The following RB1 variants were observed in gnomAD, a reference collection of about 807,000 sequenced individuals.
RB1 encodes RB transcriptional corepressor 1.
In RB1, 18 loss-of-function variants were observed where a neutral mutation model predicts 135.4. The ratio of observed to expected loss-of-function variants is 0.13; its 90% confidence interval spans 0.09 to 0.20. The LOEUF is 0.20. RB1 is among the 10% of genes least tolerant of loss of function. The pLI is 1.00. For missense variants in RB1, 868 were observed against 1,110.0 expected, an observed-to-expected ratio of 0.78 and a Z score of 3.10; for synonymous variants, 365 against 373.2, an observed-to-expected ratio of 0.98 and a Z score of 0.25.
At chr13:48,477,324 AT>A (rs1949510100) in intron 25 of RB1, 30 bp from the exon 26 acceptor site, 4 of 1,549,768 alleles carry the variant, frequency 2.6e-6, no homozygotes, top group Non-Finnish European at 3.6e-6. Flanking sequence ...ATAAATACAC[AT>A]GAAATGTTTT....
intron 2 of RB1, chr13:48,318,179 A>G (rs1312384589): frequency 1.8e-6 from 1 of 555,098 alleles, no homozygotes; most frequent in East Asian, 3.3e-5. Flanking sequence ...TGCCACAGAC[A>G]CTGGGAGGTT....
At chr13:48,376,766 G>T in intron 12 of RB1, 152 bp from the exon 13 acceptor site, 2 of 1,113,518 alleles carry the variant, frequency 1.8e-6, no homozygotes, top group South Asian at 2.8e-5. Context: ...GATATTGTCT[G>T]CTTATGTTCA....
intron 2 of RB1, chr13:48,317,867 A>T (rs1566178506): frequency 5.0e-6 from 2 of 397,236 alleles, no homozygotes; most frequent in Non-Finnish European, 4.8e-6. Flanking sequence ...CTGCACAGCA[A>T]CTCTGGCCTG....
chr13:48,389,301 C>A (rs1948594472), intron 17 of RB1, among the ~76,000 whole-genome samples: 2 of 151,900 alleles, frequency 1.3e-5, no homozygotes, highest in Non-Finnish European at 2.9e-5. Flanking sequence ...ACAATGAAGT[C>A]ACTGGTGACA....
At chr13:48,394,715 G>A (rs1037993100) in intron 17 of RB1, among the ~76,000 whole-genome samples, 1 of 152,158 alleles carries the variant, frequency 6.6e-6, no homozygotes, top group Non-Finnish European at 1.5e-5. Context: ...CTCTGGGCAG[G>A]GCATCTCTGA....
rs4151551 is a variant in RB1, at chr13:48,411,303, G to T, written c.1695+29860G>T. On this transcript the variant is annotated intron_variant, in intron 17 of 26. Transcript: ENST00000267163. ...GTCCATGTGTTAATTTCTTTTGGAG[G>T]TGGAAAAATAGTTTGTCCAAAAAGA... is the stretch of plus-strand genomic sequence containing the variant. 79,278 of 1,087,814 alleles carry T rather than the reference G, an allele frequency of 0.073. 3,440 individuals are homozygous for T. The highest frequency in any genetic ancestry group is 0.092 in the Non-Finnish European group (65,892 of 713,902). The allele number at this position is 1,087,814 out of a possible 1,614,324, so 67.4% of individuals were successfully genotyped here. A position where few individuals can be genotyped will look rare whatever the true frequency, so the allele number is the denominator to read the frequency against.
chr13:48,340,640 G>A (rs931103881), intron 2 of RB1, among the ~76,000 whole-genome samples: 4 of 150,926 alleles, frequency 2.7e-5, no homozygotes, highest in Admixed American at 1.3e-4. Context: ...AGCAGTTATT[G>A]CCTGAGTGCA....
chr13:48,387,918 A>C lies in RB1; in HGVS notation c.1695+6475A>C, dbSNP rs76554127. Reference sequence around the variant, plus strand: ...TCTTCCCCACTCAGACTTGTCTTTCACTCACACAACCATGTTTGTTTTTGC... The same window carrying C: ...TCTTCCCCACTCAGACTTGTCTTTCCCTCACACAACCATGTTTGTTTTTGC... On this transcript the variant is annotated intron_variant, in intron 17 of 26. Transcript: ENST00000267163. Among the ~76,000 whole-genome samples, 777 of 152,140 alleles carry C rather than the reference A, an allele frequency of 5.1e-3. 7 individuals carry two copies. The highest frequency in any genetic ancestry group is 0.018 in the African/African-American group (747 of 41,500).
At chr13:48,352,320 G>T (rs1406605854) in intron 6 of RB1, among the ~76,000 whole-genome samples, 3 of 151,332 alleles carry the variant, frequency 2.0e-5, no homozygotes, top group African/African-American at 7.3e-5. Flanking sequence ...GCTTAGGATT[G>T]CCTTGGCTAT....
At chr13:48,304,109 C>T (rs1028898036) in intron 1 of RB1, 60 bp downstream of exon 1, 8 of 1,334,714 alleles carry the variant, frequency 6.0e-6, no homozygotes, top group Non-Finnish European at 7.6e-6. Context: ...GTGCGTAGGG[C>T]GGGCGCCAAG....
At position 48,431,432 on chromosome 13, in the gene RB1, G is replaced by A. The variant is rs952312225; in HGVS notation, c.1696-21561G>A. Among the ~76,000 whole-genome samples the A allele has an allele frequency of 4.6e-5, 7 of 152,180 alleles. No homozygotes were observed. The South Asian group carries it at 1.0e-3, about 23-fold the overall frequency. Reference sequence around the variant, plus strand: ...AGGCATTTATGCAGATAAATGTTTCGCTCTTAACCCACTTGGAATTCAAAG... The same window carrying A: ...AGGCATTTATGCAGATAAATGTTTCACTCTTAACCCACTTGGAATTCAAAG... On this transcript the variant is annotated intron_variant, in intron 17 of 26. Coordinates refer to ENST00000267163, the MANE Select transcript of RB1 (RefSeq NM_000321.3).
At chr13:48,320,116 A>C in intron 2 of RB1, 1 of 720,202 alleles carries the variant, frequency 1.4e-6, no homozygotes, top group South Asian at 1.8e-5. Context: ...CGGAATCATC[A>C]TTGAATCTAG....
At chr13:48,322,056 T>C (rs1952246998) in intron 2 of RB1, among the ~76,000 whole-genome samples, 1 of 152,224 alleles carries the variant, frequency 6.6e-6, no homozygotes, top group Non-Finnish European at 1.5e-5. Context: ...CAGAAACTTT[T>C]TAGTTTAAGT....
At chr13:48,334,808 T>A (rs1022083888) in intron 2 of RB1, among the ~76,000 whole-genome samples, 3 of 152,172 alleles carry the variant, frequency 2.0e-5, no homozygotes, top group Non-Finnish European at 4.4e-5. Flanking sequence ...TTAGATTGGT[T>A]CAAATGAACT....
chr13:48,425,314 A>C (rs1198032780), intron 17 of RB1, among the ~76,000 whole-genome samples: 1 of 152,234 alleles, frequency 6.6e-6, no homozygotes. Flanking sequence ...ACAGAAAACT[A>C]TTTGAGTGAC....
intron 5 of RB1, among the ~76,000 whole-genome samples, chr13:48,348,147 A>T (rs1011255437): frequency 5.3e-5 from 8 of 151,986 alleles, no homozygotes; most frequent in Non-Finnish European, 8.8e-5. Flanking sequence ...TCATTGACTA[A>T]ATCTTTATTG....
At chr13:48,348,496 A>G (rs1952517702) in intron 5 of RB1, among the ~76,000 whole-genome samples, 1 of 151,848 alleles carries the variant, frequency 6.6e-6, no homozygotes. Flanking sequence ...AGTCATCCAA[A>G]CCTTCATTTT....
chr13:48,374,926 T>C (rs416156), intron 12 of RB1, among the ~76,000 whole-genome samples: 142,336 of 152,142 alleles, frequency 0.94, 67,003 homozygotes, highest in East Asian at 1. Context: ...CATGAGTACC[T>C]GATATTTAGC....
intron 17 of RB1, among the ~76,000 whole-genome samples, chr13:48,419,169 G>A (rs1948965086): frequency 6.6e-6 from 1 of 151,886 alleles, no homozygotes; most frequent in Admixed American, 6.6e-5. Context: ...GCAAAACAAT[G>A]GAAATCATAA....
Sources: allele counts gnomAD v4.1 joint callset (sites outside exome capture counted in the v4.1 genomes callset), GRCh38; gene constraint gnomAD v4.1.1; transcripts MANE v1.5; gene names NCBI Gene and HGNC (gene_info 2026-07-23, HGNC 2026-07-21).